Variants in WNK2 observed in about 807,000 individuals in gnomAD.
The protein encoded by WNK2 is serine/threonine-protein kinase WNK2.
In WNK2, 67 loss-of-function variants were observed where a neutral mutation model predicts 192.1. The observed-to-expected ratio is 0.35, with a 90% confidence interval of 0.29 to 0.43. The LOEUF (loss-of-function observed/expected upper bound fraction) is 0.43, where lower values mean the gene tolerates loss of function less well. Ranked by LOEUF, WNK2 falls within the 20% of genes least tolerant of loss-of-function variation. The probability of loss-of-function intolerance (pLI) is 1.00; values close to 1 mark genes in which losing one functional copy is unlikely to be tolerated. For synonymous variants in WNK2, 1,439 were observed against 1,393.9 expected, an observed-to-expected ratio of 1.03 and a Z score of -0.72; for missense variants, 2,698 against 3,089.7, an observed-to-expected ratio of 0.87 and a Z score of 3.01.
At position 93,252,867 on chromosome 9, in the gene WNK2, C is replaced by A. The variant is rs1434439482; in HGVS notation, c.1835-16C>A. On this transcript the variant is annotated splice_polypyrimidine_tract_variant and intron_variant, in intron 8 of 29. Coordinates refer to ENST00000427277, the MANE Select transcript of WNK2 (RefSeq NM_006648.4). Reference sequence around the variant, plus strand: ...TTGGAGATGTCCACTCTAAGTCCTGCTTTTGTCCTCCCCAGCGGACAGCAC... The same window carrying A: ...TTGGAGATGTCCACTCTAAGTCCTGATTTTGTCCTCCCCAGCGGACAGCAC... The A allele has an allele frequency of 1.4e-6, 2 of 1,424,582 alleles. No homozygotes were observed. The highest frequency in any genetic ancestry group is 3.0e-5 in the South Asian group (2 of 65,856). The allele number at this position is 1,424,582 out of a possible 1,614,324, so 88.2% of individuals were successfully genotyped here.
At chr9:93,211,471 C>A (rs1245235425) in intron 2 of WNK2, among the ~76,000 whole-genome samples, 1 of 149,968 alleles carries the variant, frequency 6.7e-6, no homozygotes, top group African/African-American at 2.5e-5. Flanking sequence ...CATTCACTCC[C>A]ATCCACTCAC....
Position 93,217,171 on chromosome 9 carries a change from A to G in WNK2, c.682-12525A>G, listed in dbSNP as rs1315356219. Among the ~76,000 whole-genome samples, 5 of 152,062 alleles carry G rather than the reference A, an allele frequency of 3.3e-5. 1 individual carries two copies. The highest frequency in any genetic ancestry group is 2.1e-4 in the South Asian group (1 of 4,820). The stretch of plus-strand genomic sequence containing the variant: ...ATGGGGTTTCACCATGTTGGCCAGG[A>G]TGGTCTTGATTTCTTGACCTCGTGA... On this transcript the variant is annotated intron_variant, in intron 2 of 29. Coordinates refer to ENST00000427277, the MANE Select transcript of WNK2 (RefSeq NM_006648.4).
intron 23 of WNK2, among the ~76,000 whole-genome samples, chr9:93,295,991 A>C (rs1588510652): frequency 6.3e-5 from 4 of 63,140 alleles, no homozygotes; most frequent in Non-Finnish European, 1.2e-4. Flanking sequence ...TCCTCCCTTC[A>C]CCTTCCTTCC....
At chr9:93,311,578 T>G (rs1040001254) in intron 28 of WNK2, among the ~76,000 whole-genome samples, 3 of 151,952 alleles carry the variant, frequency 2.0e-5, no homozygotes, top group African/African-American at 7.3e-5. Flanking sequence ...TCCACATCTG[T>G]GCCAACAGAA....
chr9:93,305,997 C>T (rs1015197587), intron 26 of WNK2, among the ~76,000 whole-genome samples: 3 of 151,904 alleles, frequency 2.0e-5, no homozygotes, highest in African/African-American at 7.2e-5. Context: ...GGACCTTGTC[C>T]CCACCAGGCT....
Position 93,257,224 on chromosome 9 carries a change from G to T in WNK2, c.2382+85G>T. The T allele has an allele frequency of 7.0e-7, 1 of 1,437,070 alleles. No homozygotes were observed. Among genetic ancestry groups the T allele is most frequent in the Non-Finnish European group, 9.4e-7 (1 of 1,066,696 alleles). 89.0% of individuals were successfully genotyped at this position (1,437,070 alleles called of 1,614,324 possible). A position where few individuals can be genotyped will look rare whatever the true frequency, so the allele number is the denominator to read the frequency against. On this transcript the variant is annotated intron_variant, in intron 11 of 29. Transcript: ENST00000427277. The surrounding 1 kb of genome is among the most constrained non-coding windows in gnomAD (Gnocchi z 4.7). ...GTGCACTAGGACACCCACAGAGGGGGTTGTCTGTGCATGTGACCTGTGACC... is the reference window on the plus strand; with the variant it reads ...GTGCACTAGGACACCCACAGAGGGGTTTGTCTGTGCATGTGACCTGTGACC...
chr9:93,228,714 C>T (rs1260068767), intron 2 of WNK2, among the ~76,000 whole-genome samples: 1 of 152,178 alleles, frequency 6.6e-6, no homozygotes, highest in Non-Finnish European at 1.5e-5. Context: ...AAGTTGGAAG[C>T]ACATGGAGCC....
chr9:93,209,281 G>A (rs1834049358), intron 2 of WNK2, among the ~76,000 whole-genome samples: 1 of 152,116 alleles, frequency 6.6e-6, no homozygotes, highest in Non-Finnish European at 1.5e-5. Context: ...GGCACCTCAA[G>A]GCACACTGGC....
Position 93,252,922 on chromosome 9 carries a change from A to G in WNK2, c.1874A>G (p.Tyr625Cys). 6.4e-7 allele frequency: 1 copy of G among 1,570,100 alleles called. No individual in the cohort carries two copies. Among genetic ancestry groups the G allele is most frequent in the South Asian group, 1.2e-5 (1 of 84,910 alleles). ...TFDSGQGSTVYSDSQSSQQSV... is the reference protein window; with the variant it reads ...TFDSGQGSTVCSDSQSSQQSV... ...GACAGCGGCCAGGGCTCTACCGTGT[A>G]CTCAGACTCGCAGAGCAGCCAGCAG... Residue 625 changes from tyrosine to cysteine, a missense_variant, in exon 9 of 30, where the codon TAC (tyrosine) becomes TGC (cysteine). This residue lies in a region of WNK2 where 893 missense variants were observed against 909.0 expected (regional missense o/e 0.98). Transcript: ENST00000427277.
chr9:93,261,979 G>A lies in WNK2; in HGVS notation c.3232G>A (p.Ala1078Thr), dbSNP rs1844351045. 1 of 1,611,970 alleles carries A rather than the reference G, an allele frequency of 6.2e-7. No individual in the cohort carries two copies. The highest frequency in any genetic ancestry group is 2.2e-5 in the East Asian group (1 of 44,844). Residue 1078 changes from alanine (A) to threonine (T), a missense_variant, in exon 13 of 30, where the codon GCC becomes ACC. Around this residue, in one of 7 missense-constraint regions of WNK2, gnomAD observed 893 missense variants for 909.0 expected, o/e 0.98. Transcript: ENST00000427277. ...QFPSSLATVS[A>T]SVQSVPTQTA... ...CCCCAGCTCCCTGGCCACGGTGTCT[G>A]CCTCTGTGCAGAGTGTGCCCACCCA...
At chr9:93,287,630 G>A (rs1442543137) in intron 19 of WNK2, among the ~76,000 whole-genome samples, 3 of 152,170 alleles carry the variant, frequency 2.0e-5, no homozygotes, top group African/African-American at 4.8e-5. Flanking sequence ...ACCTTTGTTG[G>A]GCCAGGCAGG....
rs1466249074 is a variant in WNK2 at position 93,289,637 on chromosome 9, T to C, written c.4866+17T>C. On this transcript the variant is annotated intron_variant, in intron 20 of 29. Transcript: ENST00000427277. Reference sequence around the variant, plus strand: ...CAGCCCTTGGTGAGTAGCTGCCTTGTCCCAGAGACACTGCCCTGGGTCAGG... The same window carrying C: ...CAGCCCTTGGTGAGTAGCTGCCTTGCCCCAGAGACACTGCCCTGGGTCAGG... 1 of 1,442,680 alleles carries C rather than the reference T, an allele frequency of 6.9e-7. No individual in the cohort carries two copies. Among genetic ancestry groups the C allele is most frequent in the East Asian group, 2.5e-5 (1 of 40,420 alleles). 89.4% of individuals were successfully genotyped at this position (1,442,680 alleles called of 1,614,324 possible). A position where few individuals can be genotyped will look rare whatever the true frequency, so the allele number is the denominator to read the frequency against.
At position 93,264,003 on chromosome 9, in the gene WNK2, G is replaced by T. The variant is rs1844767662; in HGVS notation, c.3666G>T (p.Gly1222=). Residue 1222 remains glycine, a synonymous_variant, in exon 16 of 30, where the codon GGG becomes GGT. Coordinates refer to ENST00000427277, the MANE Select transcript of WNK2 (RefSeq NM_006648.4). ...KMVTFKFDLD[G]DAPDEIATYM... is the part of the protein sequence containing the mutation. ...TGACCTTCAAGTTCGACTTGGACGG[G>T]GACGCACCCGATGAAATTGCCACGT... 1.2e-6 allele frequency: 2 copies of T among 1,613,410 alleles called. No individual in the cohort carries two copies. The highest frequency in any genetic ancestry group is 2.2e-5 in the South Asian group (2 of 90,962).
chr9:93,235,019 G>A lies in WNK2; in HGVS notation c.1233+54G>A, dbSNP rs567478214. ...AATAAGGACACAGAGGCCTTGGGCC[G>A]TACCCTGGGCTGGGCTCCATGTGGC... On this transcript the variant is annotated intron_variant, in intron 5 of 29. Transcript: ENST00000427277. 4.0e-5 allele frequency: 64 copies of A among 1,596,392 alleles called. No individual in the cohort carries two copies. The African/African-American group carries it at 4.3e-4, about 11-fold the overall frequency.
intron 8 of WNK2, among the ~76,000 whole-genome samples, chr9:93,250,227 A>T (rs2132570701): frequency 6.6e-6 from 1 of 152,276 alleles, no homozygotes; most frequent in Middle Eastern, 3.4e-3. Flanking sequence ...TGGCTACCAC[A>T]CGTGAACACC....
intron 19 of WNK2, among the ~76,000 whole-genome samples, chr9:93,270,868 A>AT (rs1845908060): frequency 6.6e-6 from 1 of 152,184 alleles, no homozygotes. Context: ...GCACAAAACC[A>AT]AAACCTGTCA....
At chr9:93,184,839 G>C (rs560530638) in intron 1 of WNK2, 89 bp from the exon 2 acceptor site, 2 of 1,122,514 alleles carry the variant, frequency 1.8e-6, no homozygotes, top group Admixed American at 4.4e-5. Flanking sequence ...GGCAGGTTGC[G>C]GGCTTAGGGC....
At chr9:93,320,271 C>A (rs891864972) in intron 29 of WNK2, 96 bp from the exon 30 acceptor site, 123 of 1,315,114 alleles carry the variant, frequency 9.4e-5, no homozygotes, top group Middle Eastern at 5.4e-4. Flanking sequence ...GCAGCCTTCC[C>A]GTCGGCAGCT....
chr9:93,289,846 A>G, intron 20 of WNK2, 132 bp from the exon 21 acceptor site: 1 of 953,006 alleles, frequency 1.0e-6, no homozygotes, highest in South Asian at 1.7e-5. Context: ...ACTCAGCCCC[A>G]TCCATGCACA....
Sources: allele counts gnomAD v4.1 joint callset (sites outside exome capture counted in the v4.1 genomes callset), GRCh38; gene constraint gnomAD v4.1.1; regional missense constraint gnomAD v4.1.1; non-coding constraint Gnocchi (gnomAD v3.1); transcripts MANE v1.5; gene names NCBI Gene and HGNC (gene_info 2026-07-23, HGNC 2026-07-21).